The following DOCK7 variants were observed in gnomAD, a reference collection of about 807,000 sequenced individuals.
DOCK7 encodes dedicator of cytokinesis 7.
DOCK7 carries 138 observed loss-of-function variants against 271.0 expected under a neutral mutation model. The observed-to-expected ratio is 0.51, with a 90% CI of 0.44 to 0.59. DOCK7 has a LOEUF of 0.59. DOCK7 is among the 20% of genes least tolerant of loss of function. DOCK7 has a pLI of 0.00. For missense variants in DOCK7, 2,066 were observed against 2,592.4 expected (o/e 0.80, Z 4.41); for synonymous variants, 823 against 876.1 (o/e 0.94, Z 1.07).
intron 14 of DOCK7, 95 bp downstream of exon 14, chr1:62,618,611 A>T: frequency 8.7e-7 from 1 of 1,143,174 alleles, no homozygotes; most frequent in Non-Finnish European, 1.3e-6. Flanking sequence ...TAACAAAACT[A>T]CTTAAGATTT....
intron 25 of DOCK7, 73 bp downstream of exon 25, chr1:62,542,535 G>A (rs1231831394): frequency 2.8e-6 from 4 of 1,424,764 alleles, no homozygotes; most frequent in Non-Finnish European, 3.9e-6. Context: ...GATTTCTAAG[G>A]TAACAAATGA....
intron 48 of DOCK7, among the ~76,000 whole-genome samples, chr1:62,472,411 G>GT (rs1553150942): frequency 2.0e-5 from 3 of 152,002 alleles, no homozygotes; most frequent in South Asian, 2.1e-4. Context: ...CCACCTGTTT[G>GT]TTTTTTTGCA....
rs1654892442 is a variant in DOCK7 at position 62,633,619 on chromosome 1, C to T, written c.1036-41G>A. On this transcript the variant is annotated intron_variant, in intron 9 of 49. Transcript: ENST00000635253. ...AAAGTTAAGATTAAGCTTTTAAAAG[C>T]CTGAAATTCAAGGATGGTTCAATAT... 5 of 1,443,410 alleles carry T rather than the reference C, an allele frequency of 3.5e-6. No individual in the cohort carries two copies. In the East Asian group the frequency reaches 9.1e-5, roughly 26 times the overall value. 89.4% of individuals were successfully genotyped at this position (1,443,410 alleles called of 1,614,324 possible).
intron 1 of DOCK7, among the ~76,000 whole-genome samples, chr1:62,682,421 T>A (rs757776227): frequency 6.6e-6 from 1 of 152,148 alleles, no homozygotes; most frequent in Non-Finnish European, 1.5e-5. Flanking sequence ...ACTTTATGTG[T>A]CAGATATCCA....
At chr1:62,504,179 A>C (rs1037695265) in intron 37 of DOCK7, among the ~76,000 whole-genome samples, 3 of 152,314 alleles carry the variant, frequency 2.0e-5, no homozygotes, top group Non-Finnish European at 4.4e-5. Flanking sequence ...TCAAGGCCTT[A>C]AATACTTACA....
intron 20 of DOCK7, among the ~76,000 whole-genome samples, chr1:62,557,065 CTTT>C (rs11324868): frequency 2.1e-4 from 29 of 137,200 alleles, no homozygotes; most frequent in Non-Finnish European, 3.3e-4. Context: ...TTTTTCTTTT[CTTT>C]TTTTTTTTTT....
intron 48 of DOCK7, among the ~76,000 whole-genome samples, chr1:62,467,572 C>G (rs1645715292): frequency 6.6e-6 from 1 of 152,192 alleles, no homozygotes; most frequent in East Asian, 1.9e-4. Flanking sequence ...GGAAGAATGA[C>G]TGTACCATAT....
intron 14 of DOCK7, among the ~76,000 whole-genome samples, chr1:62,616,577 A>G (rs1652466937): frequency 6.6e-6 from 1 of 151,778 alleles, no homozygotes; most frequent in African/African-American, 2.4e-5. Context: ...ATGAAGTAAG[A>G]AGGCTTGGGT....
intron 37 of DOCK7, among the ~76,000 whole-genome samples, chr1:62,503,248 T>C (rs1646838123): frequency 6.6e-6 from 1 of 151,832 alleles, no homozygotes; most frequent in Non-Finnish European, 1.5e-5. Context: ...TAATAAGGTG[T>C]ATTTATCTAG....
At position 62,470,430 on chromosome 1, in the gene DOCK7, AGGGATGAGGGATAAAAGACT is replaced by A. The variant is rs898405890; in HGVS notation, c.6212+3532_6212+3551del. On this transcript the variant is annotated intron_variant, in intron 48 of 49. Transcript: ENST00000635253. Reference sequence around the variant, plus strand: ...GAGGACTCGGTGAGAAAGGGTGGGAAGGGATGAGGGATAAAAGACTGGGATGAGGGATAAAAGACTATCAA... The same window carrying A: ...GAGGACTCGGTGAGAAAGGGTGGGAAGGGATGAGGGATAAAAGACTATCAA... Among the ~76,000 whole-genome samples, 57 of 152,260 alleles carry A rather than the reference AGGGATGAGGGATAAAAGACT, an allele frequency of 3.7e-4. 1 individual carries two copies. Among genetic ancestry groups the A allele is most frequent in the African/African-American group, 1.3e-3 (55 of 41,564 alleles).
At chr1:62,564,633 T>A (rs1646448520) in intron 18 of DOCK7, among the ~76,000 whole-genome samples, 1 of 151,702 alleles carries the variant, frequency 6.6e-6, no homozygotes, top group Non-Finnish European at 1.5e-5. Flanking sequence ...AACATCACAA[T>A]TAAAAGAACT....
At chr1:62,590,869 A>G (rs902527693) in intron 14 of DOCK7, among the ~76,000 whole-genome samples, 1 of 152,220 alleles carries the variant, frequency 6.6e-6, no homozygotes, top group Non-Finnish European at 1.5e-5. Context: ...TTGTGGAGAA[A>G]AGGGAACACT....
chr1:62,674,566 C>A (rs1660347527), intron 1 of DOCK7, among the ~76,000 whole-genome samples: 1 of 152,082 alleles, frequency 6.6e-6, no homozygotes, highest in South Asian at 2.1e-4. Flanking sequence ...TACTTTAAAG[C>A]AATGGTAACC....
At chr1:62,667,938 T>C (rs992154076) in intron 1 of DOCK7, among the ~76,000 whole-genome samples, 11 of 151,998 alleles carry the variant, frequency 7.2e-5, no homozygotes, top group African/African-American at 2.4e-4. Flanking sequence ...GGGAATTGCT[T>C]GAACCAGGGA....
At chr1:62,644,941 G>C (rs1656463608) in intron 7 of DOCK7, among the ~76,000 whole-genome samples, 2 of 152,018 alleles carry the variant, frequency 1.3e-5, no homozygotes, top group Admixed American at 1.3e-4. Context: ...ATTTCTCTGA[G>C]AGAAATAAAC....
intron 31 of DOCK7, among the ~76,000 whole-genome samples, chr1:62,520,896 A>G (rs1015059335): frequency 3.9e-5 from 6 of 152,204 alleles, no homozygotes; most frequent in Non-Finnish European, 5.9e-5. Flanking sequence ...AATGTGGCAC[A>G]TACACACCAT....
chr1:62,563,064 G>A (rs1646382201), intron 18 of DOCK7, among the ~76,000 whole-genome samples: 1 of 152,122 alleles, frequency 6.6e-6, no homozygotes, highest in Admixed American at 6.6e-5. Flanking sequence ...CAACAGAGGT[G>A]ACAGTGGAGG....
chr1:62,559,196 C>CA lies in DOCK7; in HGVS notation c.2223dup (p.Ala742CysfsTer8). On this transcript the variant is annotated frameshift_variant, in exon 20 of 50. Transcript: ENST00000635253. LOFTEE classifies it high-confidence loss of function. ...TGTTCATCCAGAGCATTGACCAGAG[C>CA]AAAAAATTTGTCAAGATAAGGATCC... 1 of 1,611,538 alleles carries CA rather than the reference C, an allele frequency of 6.2e-7. No individual in the cohort carries two copies. Among genetic ancestry groups the CA allele is most frequent in the Non-Finnish European group, 8.5e-7 (1 of 1,178,612 alleles).
At chr1:62,518,956 T>C (rs915458686) in intron 31 of DOCK7, among the ~76,000 whole-genome samples, 40 of 151,120 alleles carry the variant, frequency 2.6e-4, no homozygotes, top group African/African-American at 9.8e-4. Flanking sequence ...TTAAAAGAAG[T>C]ATCTAAAACA....
Sources: gnomAD v4.1 joint callset for allele counts (sites outside exome capture counted in the v4.1 genomes callset) on GRCh38, gnomAD v4.1.1 for gene constraint, MANE v1.5 for transcripts, NCBI Gene and HGNC (gene_info 2026-07-23, HGNC 2026-07-21) for gene names.